Variants in DDC observed in about 807,000 individuals in gnomAD.
The protein encoded by DDC is dopa decarboxylase.
DDC carries 43 observed loss-of-function variants against 60.0 expected under a neutral mutation model. The ratio of observed to expected loss-of-function variants is 0.72; its 90% CI spans 0.56 to 0.92. The LOEUF is 0.92. Among genes scored for constraint, DDC ranks in the 40% least tolerant of loss-of-function variants. The pLI is 0.00. For synonymous variants in DDC, 232 were observed against 234.6 expected (o/e 0.99, Z 0.10); for missense variants, 573 against 620.2 (o/e 0.92, Z 0.81).
chr7:50,465,380 T>C (rs922975651), intron 13 of DDC, among the ~76,000 whole-genome samples: 1 of 151,130 alleles, frequency 6.6e-6, no homozygotes. Context: ...AAACGTAGCC[T>C]TTTTTTTTGA....
intron 6 of DDC, among the ~76,000 whole-genome samples, chr7:50,516,487 A>G (rs1213472897): frequency 6.6e-6 from 1 of 152,148 alleles, no homozygotes; most frequent in Non-Finnish European, 1.5e-5. Context: ...AAAGAGCACA[A>G]ACTGACATTC....
intron 1 of DDC, among the ~76,000 whole-genome samples, chr7:50,545,653 A>G (rs760326497): frequency 3.9e-5 from 6 of 152,116 alleles, no homozygotes; most frequent in Non-Finnish European, 5.9e-5. Flanking sequence ...TTGTATTTTT[A>G]GTAGAGGCGG....
chr7:50,462,977 C>A (rs1322663119), intron 14 of DDC, among the ~76,000 whole-genome samples: 1 of 152,142 alleles, frequency 6.6e-6, no homozygotes, highest in African/African-American at 2.4e-5. Context: ...ACCACTTTGG[C>A]CAGGATGGTC....
rs745965536 is a variant in DDC at position 50,470,155 on chromosome 7, A to G, written c.1058T>C (p.Leu353Pro). Residue 353 changes from leucine (L) to proline (P), a missense_variant, in exon 12 of 15, where the codon CTG becomes CCG. Physicochemically the swap from Leu to Pro is moderately conservative, Grantham distance 98. Transcript: ENST00000444124. ...ITDYRHWQIP[L>P]GRRFRSLKMW... Reference sequence around the variant, plus strand: ...TTTCAAAGAGCGAAATCTTCTGCCCAGTGGTATCTGCCAATGCTGAAATGA... The same window carrying G: ...TTTCAAAGAGCGAAATCTTCTGCCCGGTGGTATCTGCCAATGCTGAAATGA... 1.9e-6 allele frequency: 3 copies of G among 1,611,594 alleles called. No individual in the cohort carries two copies. Among genetic ancestry groups the G allele is most frequent in the African/African-American group, 1.3e-5 (1 of 74,884 alleles).
intron 2 of DDC, among the ~76,000 whole-genome samples, chr7:50,542,031 G>C (rs2044648977): frequency 6.6e-6 from 1 of 152,122 alleles, no homozygotes; most frequent in African/African-American, 2.4e-5. Context: ...TTGGTGATGA[G>C]GCTGAGAGGC....
chr7:50,512,442 G>A (rs73121287), intron 6 of DDC, among the ~76,000 whole-genome samples: 15,472 of 152,158 alleles, frequency 0.1, 1,052 homozygotes, highest in South Asian at 0.14. Flanking sequence ...TCTATTGAAG[G>A]CTTGCAACTT....
intron 2 of DDC, among the ~76,000 whole-genome samples, chr7:50,543,673 A>G (rs2044708891): frequency 6.6e-6 from 1 of 152,138 alleles, no homozygotes; most frequent in Non-Finnish European, 1.5e-5. Context: ...TTTAATCCTG[A>G]CTTCATCGTG....
chr7:50,474,872 C>T (rs1360920329), intron 11 of DDC, among the ~76,000 whole-genome samples: 2 of 152,028 alleles, frequency 1.3e-5, no homozygotes, highest in East Asian at 1.9e-4. Context: ...ATGAAGTGTT[C>T]GTGCCTGTTA....
chr7:50,487,707 T>A (rs2042915700), intron 9 of DDC, among the ~76,000 whole-genome samples: 1 of 152,162 alleles, frequency 6.6e-6, no homozygotes, highest in South Asian at 2.1e-4. Context: ...ATAAATTTAG[T>A]AAATAATCCA....
At chr7:50,490,618 TGAGATCATGCCACTGAGCC>T (rs1429930759) in intron 9 of DDC, among the ~76,000 whole-genome samples, 146 of 152,220 alleles carry the variant, frequency 9.6e-4, no homozygotes, top group African/African-American at 3.4e-3. Context: ...TGCAGTGAGC[TGAGATCATGCCACTGAGCC>T]GAGATCATGC....
intron 6 of DDC, among the ~76,000 whole-genome samples, chr7:50,519,943 A>G (rs556045396): frequency 5.3e-5 from 6 of 113,706 alleles, no homozygotes; most frequent in Non-Finnish European, 9.6e-5. Flanking sequence ...AGTCTACAAC[A>G]ATCAAAACCA....
chr7:50,530,399 C>T (rs1332437931), intron 4 of DDC, among the ~76,000 whole-genome samples: 1 of 152,142 alleles, frequency 6.6e-6, no homozygotes, highest in African/African-American at 2.4e-5. Context: ...CCTGTGGACA[C>T]TTTGATTTTG....
chr7:50,517,837 A>AAC (rs796302650), intron 6 of DDC, among the ~76,000 whole-genome samples: 1 of 151,372 alleles, frequency 6.6e-6, no homozygotes, highest in African/African-American at 2.4e-5. Flanking sequence ...AAAAAAAAAA[A>AAC]AAAAAAAAAC....
At chr7:50,521,780 A>G (rs2043897216) in intron 6 of DDC, among the ~76,000 whole-genome samples, 1 of 152,092 alleles carries the variant, frequency 6.6e-6, no homozygotes, top group Non-Finnish European at 1.5e-5. Flanking sequence ...AATGACATCT[A>G]CTCTTAACAT....
intron 9 of DDC, among the ~76,000 whole-genome samples, chr7:50,489,195 T>G (rs1484234120): frequency 6.6e-6 from 1 of 152,076 alleles, no homozygotes; most frequent in Non-Finnish European, 1.5e-5. Flanking sequence ...GTAGTAGAGA[T>G]AAGGTCTCAC....
At chr7:50,480,607 T>G (rs1469570731) in intron 9 of DDC, among the ~76,000 whole-genome samples, 1 of 152,176 alleles carries the variant, frequency 6.6e-6, no homozygotes, top group African/African-American at 2.4e-5. Flanking sequence ...CTGTGGAGTC[T>G]GACGCTACCT....
chr7:50,492,685 TTTTCC>T (rs1427428596), intron 9 of DDC: 6 of 1,217,622 alleles, frequency 4.9e-6, no homozygotes, highest in East Asian at 7.1e-5. Flanking sequence ...TACAAGGAAA[TTTTCC>T]AAATGGCCTT....
chr7:50,470,890 G>A (rs532855322), intron 11 of DDC, among the ~76,000 whole-genome samples: 10 of 152,316 alleles, frequency 6.6e-5, no homozygotes, highest in African/African-American at 1.9e-4. Flanking sequence ...TAGCAGCACT[G>A]TGTGGTCATC....
rs11575291 is a variant in DDC at position 50,543,951 on chromosome 7, A to G, written c.135T>C (p.Ala45=). Residue 45 remains alanine, a synonymous_variant, in exon 2 of 15, where the codon GCT becomes GCC. Coordinates refer to ENST00000444124, the MANE Select transcript of DDC (RefSeq NM_001082971.2). ...PGYLRPLIPA[A]APQEPDTFED... ...CAAACGTGTCTGGCTCCTGAGGGGC[A>G]GCGGCAGGGATCAGCGGCCGCAGGT... is the stretch of plus-strand genomic sequence containing the variant. 6.4e-5 allele frequency: 103 copies of G among 1,614,170 alleles called. No homozygotes were observed. The Admixed American group carries it at 1.7e-3, about 27-fold the overall frequency.
Sources: allele counts gnomAD v4.1 joint callset (sites outside exome capture counted in the v4.1 genomes callset), GRCh38; gene constraint gnomAD v4.1.1; transcripts MANE v1.5; gene names NCBI Gene and HGNC (gene_info 2026-07-23, HGNC 2026-07-21).